MYO1B: variants seen among roughly 807,000 people sequenced by gnomAD.
MYO1B encodes the protein unconventional myosin-Ib.
Under a neutral mutation model 159.7 loss-of-function variants are expected in MYO1B, and 72 were observed. The observed-to-expected ratio is 0.45, with a 90% CI of 0.37 to 0.55. The LOEUF is 0.55. MYO1B is among the 20% of genes least tolerant of loss of function. The pLI is 0.00. For missense variants in MYO1B, 1,062 were observed against 1,364.8 expected, an observed-to-expected ratio of 0.78 and a Z score of 3.50; for synonymous variants, 468 against 473.8, an observed-to-expected ratio of 0.99 and a Z score of 0.16.
intron 4 of MYO1B, among the ~76,000 whole-genome samples, chr2:191,333,901 A>G (rs1574451555): frequency 6.6e-6 from 1 of 152,304 alleles, no homozygotes; most frequent in Non-Finnish European, 1.5e-5. Context: ...TGGCAAGGCA[A>G]GTTAGAAACT....
chr2:191,417,036 A>G (rs1697619443), intron 30 of MYO1B, among the ~76,000 whole-genome samples: 1 of 152,198 alleles, frequency 6.6e-6, no homozygotes, highest in Non-Finnish European at 1.5e-5. Flanking sequence ...TTACCTTTCA[A>G]TAGATTGTTT....
chr2:191,313,407 T>TG (rs145230555), intron 3 of MYO1B, among the ~76,000 whole-genome samples: 46,019 of 149,182 alleles, frequency 0.31, 7,685 homozygotes, highest in South Asian at 0.49. Flanking sequence ...TTTTTTGAGA[T>TG]GGAGTCTAGC....
At chr2:191,385,445 G>A (rs148690610) in intron 15 of MYO1B, among the ~76,000 whole-genome samples, 2 of 152,328 alleles carry the variant, frequency 1.3e-5, no homozygotes, top group African/African-American at 4.8e-5. Flanking sequence ...CTTCTTAGGA[G>A]TGAATCAAAT....
chr2:191,408,013 A>G (rs1697032502), intron 24 of MYO1B, 102 bp from the exon 25 acceptor site: 4 of 699,478 alleles, frequency 5.7e-6, no homozygotes, highest in Non-Finnish European at 2.5e-6. Context: ...GACACTTATA[A>G]ACTGACTTGT....
intron 3 of MYO1B, among the ~76,000 whole-genome samples, chr2:191,300,016 A>T (rs535570250): frequency 2.6e-5 from 4 of 152,156 alleles, no homozygotes; most frequent in African/African-American, 9.7e-5. Context: ...CTGTCTCACC[A>T]CTTTCTGCAT....
intron 7 of MYO1B, chr2:191,350,442 T>C (rs984771591): frequency 3.1e-6 from 1 of 323,710 alleles, no homozygotes; most frequent in Non-Finnish European, 5.6e-6. Flanking sequence ...GGAAAAACTT[T>C]TTAGAAGTTT....
chr2:191,400,373 G>T lies in MYO1B; in HGVS notation c.2296-9G>T, dbSNP rs780323187. ...AACATTCTCTCTTTTGGGTGATTCT[G>T]CCCTTTAGGCTCGAAAAATTCTGCG... On this transcript the variant is annotated splice_polypyrimidine_tract_variant and intron_variant, in intron 21 of 30. Coordinates refer to ENST00000392318, the MANE Select transcript of MYO1B (RefSeq NM_001130158.3). 1.9e-6 allele frequency: 3 copies of T among 1,613,666 alleles called. No homozygotes were observed. The African/African-American group carries it at 4.0e-5, about 22-fold the overall frequency.
At chr2:191,305,084 TG>T (rs1486957680) in intron 3 of MYO1B, among the ~76,000 whole-genome samples, 2 of 152,238 alleles carry the variant, frequency 1.3e-5, no homozygotes, top group African/African-American at 4.8e-5. Flanking sequence ...CCTTGGCTGC[TG>T]AAGGATTAGT....
chr2:191,421,391 G>A (rs1697931498), intron 30 of MYO1B, among the ~76,000 whole-genome samples: 1 of 151,876 alleles, frequency 6.6e-6, no homozygotes, highest in African/African-American at 2.4e-5. Flanking sequence ...TATTAATCAG[G>A]AATTATAGAC....
intron 30 of MYO1B, among the ~76,000 whole-genome samples, chr2:191,421,541 C>T (rs957752285): frequency 2.2e-4 from 34 of 151,858 alleles, no homozygotes; most frequent in Admixed American, 1.8e-3. Flanking sequence ...GGTGTGATCC[C>T]GGCTCAATGC....
intron 29 of MYO1B, 59 bp downstream of exon 29, chr2:191,414,728 T>G: frequency 6.5e-7 from 1 of 1,548,298 alleles, no homozygotes; most frequent in East Asian, 2.3e-5. Context: ...TTAAAAAATT[T>G]CCATATCTGA....
intron 13 of MYO1B, among the ~76,000 whole-genome samples, chr2:191,372,073 G>T (rs1311877741): frequency 6.6e-6 from 1 of 152,226 alleles, no homozygotes; most frequent in East Asian, 1.9e-4. Flanking sequence ...ATTCTTTACA[G>T]TTGGCAGGGA....
At chr2:191,423,286 A>C (rs114424823) in intron 30 of MYO1B, among the ~76,000 whole-genome samples, 3 of 152,236 alleles carry the variant, frequency 2.0e-5, no homozygotes, top group African/African-American at 4.8e-5. Context: ...ACTGTAGGCA[A>C]TTGTAACACA....
chr2:191,262,551 C>T (rs1338064835), intron 1 of MYO1B, among the ~76,000 whole-genome samples: 1 of 152,166 alleles, frequency 6.6e-6, no homozygotes, highest in Non-Finnish European at 1.5e-5. Context: ...TTGTTGCCAT[C>T]TTGATGTGTG....
At position 191,381,560 on chromosome 2, in the gene MYO1B, A is replaced by G. The variant is rs996224665; in HGVS notation, c.1284A>G (p.Ile428Met). 1 of 1,605,904 alleles carries G rather than the reference A, an allele frequency of 6.2e-7. No individual in the cohort carries two copies. The highest frequency in any genetic ancestry group is 8.5e-7 in the Non-Finnish European group (1 of 1,174,046). ...LTLKEEQEEY[I>M]REDIEWTHID... is the part of the protein sequence containing the mutation. ...TTAAAGAAGAGCAGGAGGAGTATAT[A>G]CGGGAGGTAATGTTGAAATGCTATT... The change falls in exon 14 of 31, where the codon ATA becomes ATG. Residue 428 changes from isoleucine to methionine, a missense_variant. Physicochemically the swap from Ile to Met is conservative, Grantham distance 10. This residue lies in a region of MYO1B where 415 missense variants were observed against 544.0 expected (regional missense o/e 0.76). Coordinates refer to ENST00000392318, the MANE Select transcript of MYO1B (RefSeq NM_001130158.3).
At chr2:191,419,205 A>G (rs1697772784) in intron 30 of MYO1B, among the ~76,000 whole-genome samples, 1 of 152,078 alleles carries the variant, frequency 6.6e-6, no homozygotes, top group Non-Finnish European at 1.5e-5. Flanking sequence ...TTACTGGTTT[A>G]TGTATTTATT....
intron 30 of MYO1B, among the ~76,000 whole-genome samples, chr2:191,417,410 G>A (rs1056476057): frequency 2.0e-5 from 3 of 152,180 alleles, no homozygotes; most frequent in African/African-American, 4.8e-5. Flanking sequence ...GATTTAACAC[G>A]TTAGGGCCTA....
At chr2:191,352,346 A>G (rs1692980866) in intron 7 of MYO1B, among the ~76,000 whole-genome samples, 1 of 152,242 alleles carries the variant, frequency 6.6e-6, no homozygotes, top group Admixed American at 6.5e-5. Context: ...CTGTTTTTAA[A>G]AATGAGAGTA....
At chr2:191,275,069 C>CTAA in intron 1 of MYO1B, among the ~76,000 whole-genome samples, 1 of 151,922 alleles carries the variant, frequency 6.6e-6, no homozygotes, top group African/African-American at 2.4e-5. Flanking sequence ...CCATGCCCGG[C>CTAA]TAATTTTTGT....
Sources: gnomAD v4.1 joint callset for allele counts (sites outside exome capture counted in the v4.1 genomes callset) on GRCh38, gnomAD v4.1.1 for gene constraint, gnomAD v4.1.1 regional missense constraint, MANE v1.5 for transcripts, NCBI Gene and HGNC (gene_info 2026-07-23, HGNC 2026-07-21) for gene names.